SNAPC5: variants seen among roughly 807,000 people sequenced by gnomAD.
SNAPC5 encodes snRNA-activating protein complex subunit 5.
A neutral mutation model predicts 9.1 loss-of-function variants in SNAPC5; 12 were observed. That is an observed-to-expected ratio of 1.32 (90% CI 0.85 to 2.15). SNAPC5 has a LOEUF of 2.15. Ranked by LOEUF, SNAPC5 falls within the 30% of genes most tolerant of loss-of-function variation. SNAPC5 has a pLI of 0.00. For synonymous variants in SNAPC5, 52 were observed against 47.3 expected, an observed-to-expected ratio of 1.10 and a Z score of -0.41; for missense variants, 132 against 114.4, an observed-to-expected ratio of 1.15 and a Z score of -0.70.
At chr15:66,489,927 A>G, downstream of SNAPC5, 1 of 732,766 alleles carries the variant, frequency 1.4e-6, no homozygotes, top group Non-Finnish European at 2.5e-6. Context: ...TTGCTCTCCC[A>G]TCAGTTTAAG....
intron 1 of SNAPC5, among the ~76,000 whole-genome samples, chr15:66,497,277 G>A (rs1158244774): frequency 6.6e-6 from 1 of 152,200 alleles, no homozygotes; most frequent in East Asian, 1.9e-4. Context: ...TCAGGAGGAA[G>A]GGGTCGGTGG....
chr15:66,490,228 C>A (rs1567028091), downstream of SNAPC5: 1 of 589,004 alleles, frequency 1.7e-6, no homozygotes, highest in South Asian at 1.8e-5. Flanking sequence ...TCCCTTCTAA[C>A]AAGCCTGTGA....
downstream of SNAPC5, chr15:66,490,431 T>G (rs1356958889): frequency 8.8e-7 from 1 of 1,137,150 alleles, no homozygotes; most frequent in Admixed American, 1.7e-5. Flanking sequence ...AACTCTTGGA[T>G]TTTCCTTCCT....
At chr15:66,495,296 A>C (rs1402077198) in intron 2 of SNAPC5, 34 bp downstream of exon 2, 10 of 1,214,942 alleles carry the variant, frequency 8.2e-6, no homozygotes, top group Non-Finnish European at 1.2e-5. Flanking sequence ...CAGACTTTGC[A>C]TTCTCTCCTA....
Position 66,495,332 on chromosome 15 carries a change from C to G in SNAPC5, c.178G>C (p.Asp60His). ...SSHTVPEQSH[D>H]MLVHVDNEAS... The stretch of plus-strand genomic sequence containing the variant: ...GGCCTGCACTTGATTAAGCTTACAT[C>G]ATGTGACTGTTCAGGTACAGTGTGA... Residue 60 changes from aspartate (D) to histidine (H), a missense_variant and splice_region_variant, in exon 2 of 3, where the codon GAT (aspartate) becomes CAT (histidine). By Grantham distance (81) the Asp-to-His change is moderately conservative. Coordinates refer to ENST00000316634, the MANE Select transcript of SNAPC5 (RefSeq NM_001329615.2). The G allele has an allele frequency of 6.4e-7, 1 of 1,564,896 alleles. No homozygotes were observed.
At chr15:66,490,274 C>G, downstream of SNAPC5, 1 of 668,500 alleles carries the variant, frequency 1.5e-6, no homozygotes, top group Middle Eastern at 2.5e-4. Flanking sequence ...CCATACTGCA[C>G]GAGTAGGCTC....
chr15:66,491,776 C>T (rs890729456), downstream of SNAPC5: 1 of 359,360 alleles, frequency 2.8e-6, no homozygotes, highest in Non-Finnish European at 5.5e-6. Flanking sequence ...AACCACCTTC[C>T]TTGTGGGACC....
At chr15:66,489,871 G>T, downstream of SNAPC5, 1 of 952,854 alleles carries the variant, frequency 1.0e-6, no homozygotes, top group South Asian at 1.3e-5. Flanking sequence ...TGCCCACTGT[G>T]GTCCAGCTGA....
At chr15:66,492,225 C>T, downstream of SNAPC5, 1 of 280,138 alleles carries the variant, frequency 3.6e-6, no homozygotes, top group Non-Finnish European at 7.1e-6. Flanking sequence ...CCTCTCCGCT[C>T]ATTATTTTCT....
At position 66,497,622 on chromosome 15, in the gene SNAPC5, G is replaced by C. The variant is rs1893484671; in HGVS notation, c.90+20C>G. 1 of 1,610,876 alleles carries C rather than the reference G, an allele frequency of 6.2e-7. No homozygotes were observed. Among genetic ancestry groups the C allele is most frequent in the African/African-American group, 1.3e-5 (1 of 74,998 alleles). On this transcript the variant is annotated intron_variant, in intron 1 of 2. Coordinates refer to ENST00000316634, the MANE Select transcript of SNAPC5 (RefSeq NM_001329615.2). ...GCTCGGGAGGAATGGAGGAGGGGCA[G>C]GAGAGGGCCGCGGGGTCACCTTGAG...
chr15:66,496,361 A>T (rs966801800), intron 1 of SNAPC5, among the ~76,000 whole-genome samples: 5 of 152,018 alleles, frequency 3.3e-5, no homozygotes, highest in African/African-American at 1.2e-4. Context: ...GCTACTTGGG[A>T]GGCTGAGACA....
chr15:66,496,464 T>C (rs552194173), intron 1 of SNAPC5, among the ~76,000 whole-genome samples: 2 of 142,060 alleles, frequency 1.4e-5, no homozygotes, highest in South Asian at 4.5e-4. Flanking sequence ...AAACTCTGTC[T>C]CAAAAAAAAG....
At chr15:66,492,841 C>G (rs1893300615), downstream of SNAPC5, among the ~76,000 whole-genome samples, 1 of 152,156 alleles carries the variant, frequency 6.6e-6, no homozygotes, top group Admixed American at 6.5e-5. Context: ...TGTGAAACTG[C>G]TAGAGCAGAT....
intron 1 of SNAPC5, among the ~76,000 whole-genome samples, chr15:66,496,070 T>C (rs552130998): frequency 6.7e-6 from 1 of 150,020 alleles, no homozygotes; most frequent in South Asian, 2.1e-4. Context: ...AAAGTATAAC[T>C]TCCCTAAGGA....
chr15:66,490,477 C>A, downstream of SNAPC5: 2 of 1,499,156 alleles, frequency 1.3e-6, no homozygotes, highest in Non-Finnish European at 1.9e-6. Context: ...TTTAACACCA[C>A]GTCCTCTCGT....
At chr15:66,491,328 TAAATG>T (rs1259495751), downstream of SNAPC5, 1 of 233,710 alleles carries the variant, frequency 4.3e-6, no homozygotes, top group African/African-American at 2.2e-5. Context: ...TAATGTTTCT[TAAATG>T]GAATTATTTT....
downstream of SNAPC5, chr15:66,490,927 T>TG (rs1173833787): frequency 2.1e-6 from 1 of 470,476 alleles, no homozygotes; most frequent in African/African-American, 1.9e-5. Flanking sequence ...TTCTTACAAT[T>TG]GCACTGCTGT....
At chr15:66,490,470 A>T, downstream of SNAPC5, 1 of 1,477,120 alleles carries the variant, frequency 6.8e-7, no homozygotes, top group Non-Finnish European at 9.5e-7. Flanking sequence ...GTTTCTTTTT[A>T]ACACCACGTC....
chr15:66,492,053 A>G (rs1337438556), downstream of SNAPC5: 18 of 456,490 alleles, frequency 3.9e-5, no homozygotes. Context: ...CCTTTGCGAC[A>G]TTAAGCAATG....
Sources: gnomAD v4.1 joint callset for allele counts (sites outside exome capture counted in the v4.1 genomes callset) on GRCh38, gnomAD v4.1.1 for gene constraint, MANE v1.5 for transcripts, NCBI Gene and HGNC (gene_info 2026-07-23, HGNC 2026-07-21) for gene names.